Variants in ECHDC1 observed in about 807,000 individuals in gnomAD.
ECHDC1 encodes the protein ethylmalonyl-CoA decarboxylase 1.
A neutral mutation model predicts 29.7 loss-of-function variants in ECHDC1; 29 were observed. The ratio of observed to expected loss-of-function variants is 0.98; its 90% CI spans 0.73 to 1.33. The LOEUF (loss-of-function observed/expected upper bound fraction) is 1.33. Ranked by LOEUF, ECHDC1 falls within the 40% of genes most tolerant of loss-of-function variation. The probability of loss-of-function intolerance (pLI) is 0.00; values close to 1 mark genes in which losing one functional copy is unlikely to be tolerated. For synonymous variants in ECHDC1, 126 were observed against 123.1 expected, an observed-to-expected ratio of 1.02 and a Z score of -0.15; for missense variants, 328 against 350.0, an observed-to-expected ratio of 0.94 and a Z score of 0.50.
intron 1 of ECHDC1, among the ~76,000 whole-genome samples, chr6:127,335,655 C>T (rs1784366793): frequency 6.6e-6 from 1 of 151,978 alleles, no homozygotes; most frequent in African/African-American, 2.4e-5. Context: ...TTGCCAGCAG[C>T]TATGGTTACC....
intron 5 of ECHDC1, among the ~76,000 whole-genome samples, chr6:127,310,143 A>G (rs748494974): frequency 2.0e-5 from 3 of 152,204 alleles, no homozygotes; most frequent in Non-Finnish European, 4.4e-5. Flanking sequence ...ACAAAAAAAT[A>G]GAAAGAATGA....
intron 1 of ECHDC1, chr6:127,331,919 C>T: frequency 1.0e-6 from 1 of 976,036 alleles, no homozygotes; most frequent in Non-Finnish European, 1.2e-6. Context: ...TTTCTGTTCC[C>T]CAAGGTTCTG....
intron 5 of ECHDC1, among the ~76,000 whole-genome samples, chr6:127,297,934 G>A (rs966184268): frequency 6.6e-6 from 1 of 152,114 alleles, no homozygotes; most frequent in East Asian, 1.9e-4. Flanking sequence ...ATGCTCCTTA[G>A]TTTTCTTGAT....
At position 127,290,042 on chromosome 6, in the gene ECHDC1, G is replaced by A. The variant is rs747891864; in HGVS notation, c.733C>T (p.Gln245Ter). The stretch of plus-strand genomic sequence containing the variant: ...ACTTCCGGTGGCCCTTGGATGAATT[G>A]CTTTAGCCATTCTTGTGCCTCTTCT... ...SLEEAQEWLK[Q>*]FIQGPPEVIR... Residue 245 changes from glutamine (Q) to a stop codon, truncating the protein, a stop_gained, in exon 6 of 6, where the codon CAA becomes TAA. Coordinates refer to ENST00000454859, the MANE Select transcript of ECHDC1 (RefSeq NM_001002030.2). LOFTEE classifies it high-confidence loss of function. 6.2e-7 allele frequency: 1 copy of A among 1,613,644 alleles called. No individual in the cohort carries two copies. Among genetic ancestry groups the A allele is most frequent in the Non-Finnish European group, 8.5e-7 (1 of 1,179,724 alleles).
chr6:127,306,406 C>T (rs1339217157), intron 5 of ECHDC1, among the ~76,000 whole-genome samples: 1 of 152,108 alleles, frequency 6.6e-6, no homozygotes, highest in Admixed American at 6.6e-5. Context: ...TTTGGGTCCT[C>T]ACCCAAATCT....
At position 127,289,844 on chromosome 6, in the gene ECHDC1, G is replaced by A. The variant is rs1205438456; in HGVS notation, c.*25C>T. ...CATATTAGTCACTGGAGCTTTACTT[G>A]GAGTACATCCACACGAAAAACCAAT... On this transcript the variant is annotated 3_prime_UTR_variant, in exon 6 of 6. Transcript: ENST00000454859. 3.8e-6 allele frequency: 6 copies of A among 1,575,202 alleles called. No homozygotes were observed. Among genetic ancestry groups the A allele is most frequent in the Non-Finnish European group, 5.2e-6 (6 of 1,162,550 alleles).
rs369860645 is a variant in ECHDC1 at position 127,289,858 on chromosome 6, C to T, written c.*11G>A. On this transcript the variant is annotated 3_prime_UTR_variant, in exon 6 of 6. Coordinates refer to ENST00000454859, the MANE Select transcript of ECHDC1 (RefSeq NM_001002030.2). The stretch of plus-strand genomic sequence containing the variant: ...GAGCTTTACTTGGAGTACATCCACA[C>T]GAAAAACCAATTATTTATTAAATTT... 22 of 1,598,518 alleles carry T rather than the reference C, an allele frequency of 1.4e-5. No individual in the cohort carries two copies. The highest frequency in any genetic ancestry group is 3.4e-4 in the Middle Eastern group (2 of 5,932).
chr6:127,293,620 C>T (rs1780367059), intron 5 of ECHDC1, among the ~76,000 whole-genome samples: 1 of 152,128 alleles, frequency 6.6e-6, no homozygotes, highest in Admixed American at 6.5e-5. Context: ...TAGAGTGTGT[C>T]TGTATGTTTT....
intron 5 of ECHDC1, among the ~76,000 whole-genome samples, chr6:127,306,278 A>G (rs1039488582): frequency 1.3e-5 from 2 of 152,160 alleles, no homozygotes; most frequent in African/African-American, 4.8e-5. Context: ...GCCACCCATC[A>G]CTGGAGCACC....
chr6:127,300,603 A>G (rs6569480), intron 5 of ECHDC1, among the ~76,000 whole-genome samples: 111,050 of 152,032 alleles, frequency 0.73, 40,740 homozygotes, highest in East Asian at 0.78. Flanking sequence ...AGCATGAGAA[A>G]GAATTCAGAA....
chr6:127,309,819 T>C (rs1219700254), intron 5 of ECHDC1, among the ~76,000 whole-genome samples: 9 of 152,210 alleles, frequency 5.9e-5, no homozygotes, highest in Admixed American at 3.3e-4. Flanking sequence ...AGCAGGCATA[T>C]CTTCACATGA....
chr6:127,291,533 G>A (rs563416858), intron 5 of ECHDC1, among the ~76,000 whole-genome samples: 1 of 152,120 alleles, frequency 6.6e-6, no homozygotes, highest in Non-Finnish European at 1.5e-5. Flanking sequence ...AACAATAAAG[G>A]GGAGTTAACA....
chr6:127,300,625 G>A (rs1040088664), intron 5 of ECHDC1, among the ~76,000 whole-genome samples: 1 of 152,182 alleles, frequency 6.6e-6, no homozygotes, highest in South Asian at 2.1e-4. Flanking sequence ...GCATCTAGGA[G>A]CAAAGACTCA....
chr6:127,343,266 C>T (rs1048266421), intron 1 of ECHDC1, 70 bp downstream of exon 1: 1 of 152,192 alleles, frequency 6.6e-6, no homozygotes, highest in Non-Finnish European at 1.5e-5. Context: ...CATTCCACGG[C>T]GACATTTTAG....
At chr6:127,327,497 T>C (rs980776038) in intron 2 of ECHDC1, among the ~76,000 whole-genome samples, 1 of 152,306 alleles carries the variant, frequency 6.6e-6, no homozygotes, top group South Asian at 2.1e-4. Flanking sequence ...AGATAAGACA[T>C]AGACCTGACT....
rs1783409837 is a variant in ECHDC1, at chr6:127,327,042, C to G, written c.323G>C (p.Gly108Ala). 1.1e-5 allele frequency: 17 copies of G among 1,613,864 alleles called. No homozygotes were observed. The highest frequency in any genetic ancestry group is 1.4e-5 in the Non-Finnish European group (16 of 1,179,970). ...TGATTTCACAGCATTCAGATCAGAT[C>G]CTGAAGAGAAAGTATTTTTTGCCCC... ...VRGAKNTFSS[G>A]SDLNAVKSLG... Residue 108 changes from glycine (G) to alanine (A), a missense_variant, in exon 3 of 6, where the codon GGA becomes GCA. Gly to Ala is a moderately conservative substitution (Grantham distance 60). Coordinates refer to ENST00000454859, the MANE Select transcript of ECHDC1 (RefSeq NM_001002030.2).
intron 3 of ECHDC1, among the ~76,000 whole-genome samples, chr6:127,318,923 C>A (rs1274770982): frequency 1.3e-5 from 2 of 152,194 alleles, no homozygotes; most frequent in Non-Finnish European, 2.9e-5. Flanking sequence ...GCACGAGGAG[C>A]TAAAAAGCTT....
chr6:127,304,248 T>G (rs1316822512), intron 5 of ECHDC1, among the ~76,000 whole-genome samples: 1 of 152,054 alleles, frequency 6.6e-6, no homozygotes, highest in Non-Finnish European at 1.5e-5. Flanking sequence ...AGAACAAGAG[T>G]CTCTGCCTGG....
chr6:127,310,935 A>G (rs1781847658), intron 5 of ECHDC1, among the ~76,000 whole-genome samples: 1 of 152,252 alleles, frequency 6.6e-6, no homozygotes, highest in Admixed American at 6.5e-5. Context: ...ATCTCGGTGA[A>G]GGCTCAGATG....
Sources: gnomAD v4.1 joint callset for allele counts (sites outside exome capture counted in the v4.1 genomes callset) on GRCh38, gnomAD v4.1.1 for gene constraint, MANE v1.5 for transcripts, NCBI Gene and HGNC (gene_info 2026-07-23, HGNC 2026-07-21) for gene names.